THNSL1: variants seen among roughly 807,000 people sequenced by gnomAD.
THNSL1 encodes threonine synthase like 1.
A neutral mutation model predicts 50.4 loss-of-function variants in THNSL1; 48 were observed. The observed-to-expected ratio is 0.95, with a 90% CI of 0.76 to 1.21. The LOEUF (loss-of-function observed/expected upper bound fraction) is 1.21, where lower values mean the gene tolerates loss of function less well. Among genes scored for constraint, THNSL1 ranks in the 50% most tolerant of loss-of-function variants. The probability of loss-of-function intolerance (pLI) is 0.00; values close to 1 mark genes in which losing one functional copy is unlikely to be tolerated. For missense variants in THNSL1, 896 were observed against 871.7 expected, an observed-to-expected ratio of 1.03 and a Z score of -0.35; for synonymous variants, 309 against 306.1, an observed-to-expected ratio of 1.01 and a Z score of -0.10.
chr10:24,969,141 G>A, the THNSL1 span, among the ~76,000 whole-genome samples: 94 of 152,262 alleles, frequency 6.2e-4, no homozygotes, highest in African/African-American at 2.1e-3. Context: ...TGATCCACCC[G>A]CCGCGGCCTG....
chr10:25,013,061 G>A (rs564563344), upstream of THNSL1, among the ~76,000 whole-genome samples: 1 of 152,192 alleles, frequency 6.6e-6, no homozygotes, highest in Non-Finnish European at 1.5e-5. Context: ...TTTTATAAAG[G>A]GGAGTTCCCC....
the THNSL1 span, among the ~76,000 whole-genome samples, chr10:24,952,817 C>T: frequency 6.6e-6 from 1 of 151,666 alleles, no homozygotes; most frequent in Admixed American, 6.6e-5. This position sits in a 1 kb window ranked among gnomAD's most constrained non-coding sequence, Gnocchi z 5.1. Context: ...GCTGCCAAGC[C>T]GCTACCGCTC....
At chr10:24,960,255 T>C in the THNSL1 span, among the ~76,000 whole-genome samples, 1 of 152,034 alleles carries the variant, frequency 6.6e-6, no homozygotes, top group African/African-American at 2.4e-5. Context: ...GAAGCAGAGC[T>C]GGGATGTGGT....
the THNSL1 span, chr10:24,984,837 T>C: frequency 6.2e-7 from 1 of 1,613,778 alleles, no homozygotes; most frequent in South Asian, 1.1e-5. Context: ...TCTTCTTTGG[T>C]ATAGAATCTA....
chr10:24,971,328 CTCCTGGGCTTAAGCAA>C, the THNSL1 span, among the ~76,000 whole-genome samples: 347 of 147,992 alleles, frequency 2.3e-3, 3 homozygotes, highest in African/African-American at 7.8e-3. Context: ...TGGTCTTGAA[CTCCTGGGCTTAAGCAA>C]TCCTTCCATC....
chr10:24,980,926 G>T, the THNSL1 span, among the ~76,000 whole-genome samples: 5 of 152,052 alleles, frequency 3.3e-5, no homozygotes, highest in African/African-American at 1.2e-4. Flanking sequence ...TCACCACGTT[G>T]GCCAGGCTGG....
intron 1 of THNSL1, among the ~76,000 whole-genome samples, chr10:25,018,368 C>G (rs1025848581): frequency 6.6e-6 from 1 of 152,116 alleles, no homozygotes; most frequent in Non-Finnish European, 1.5e-5. Context: ...TGGTATATAC[C>G]TACAGGGATG....
chr10:24,997,570 A>G, the THNSL1 span, among the ~76,000 whole-genome samples: 4 of 151,752 alleles, frequency 2.6e-5, no homozygotes, highest in Non-Finnish European at 5.9e-5. Flanking sequence ...AAAATTTTTT[A>G]TAGAGATAGG....
At chr10:24,957,934 T>C in the THNSL1 span, among the ~76,000 whole-genome samples, 15 of 152,260 alleles carry the variant, frequency 9.9e-5, no homozygotes, top group Non-Finnish European at 1.8e-4. Context: ...TATTTATAAT[T>C]CACTGAATTC....
At chr10:25,005,205 G>A in the THNSL1 span, among the ~76,000 whole-genome samples, 2 of 151,932 alleles carry the variant, frequency 1.3e-5, no homozygotes, top group Non-Finnish European at 2.9e-5. Flanking sequence ...TGGATAATTG[G>A]CTCTATTTTC....
chr10:25,020,050 T>G (rs1319387565), intron 1 of THNSL1, among the ~76,000 whole-genome samples: 1 of 152,094 alleles, frequency 6.6e-6, no homozygotes, highest in Non-Finnish European at 1.5e-5. Flanking sequence ...GCCCCTAAAA[T>G]CAATTTGTGG....
chr10:24,989,888 C>T, the THNSL1 span, among the ~76,000 whole-genome samples: 1 of 152,030 alleles, frequency 6.6e-6, no homozygotes, highest in Admixed American at 6.5e-5. Flanking sequence ...CTCTTACACC[C>T]CCTAATATTT....
chr10:24,963,648 T>C, the THNSL1 span, among the ~76,000 whole-genome samples: 1 of 152,166 alleles, frequency 6.6e-6, no homozygotes, highest in South Asian at 2.1e-4. Flanking sequence ...TTCTTTTTCT[T>C]CTTGCAAAAG....
chr10:24,988,355 T>A, the THNSL1 span, among the ~76,000 whole-genome samples: 1 of 145,308 alleles, frequency 6.9e-6, no homozygotes, highest in East Asian at 2.0e-4. Context: ...TATTTATATA[T>A]GTGTATATAT....
At chr10:25,015,044 C>T (rs918046893), upstream of THNSL1, among the ~76,000 whole-genome samples, 10 of 152,122 alleles carry the variant, frequency 6.6e-5, no homozygotes, top group Admixed American at 2.0e-4. Context: ...GACTTGCATA[C>T]GGACAAGGAT....
chr10:24,965,060 C>CAAAAA, the THNSL1 span, among the ~76,000 whole-genome samples: 1 of 120,518 alleles, frequency 8.3e-6, no homozygotes, highest in African/African-American at 3.0e-5. Flanking sequence ...AATCCTATCT[C>CAAAAA]AAAAAAAAAA....
intron 1 of THNSL1, among the ~76,000 whole-genome samples, chr10:25,021,019 T>C (rs1850708406): frequency 6.6e-6 from 1 of 152,236 alleles, no homozygotes; most frequent in Non-Finnish European, 1.5e-5. Flanking sequence ...CCTGGTTTAC[T>C]TCAGGGAAAG....
At chr10:25,012,962 G>A (rs1000300998), upstream of THNSL1, among the ~76,000 whole-genome samples, 7 of 152,174 alleles carry the variant, frequency 4.6e-5, no homozygotes, top group Non-Finnish European at 8.8e-5. Context: ...TGTCATGGGA[G>A]GGATCTGGTG....
the THNSL1 span, among the ~76,000 whole-genome samples, chr10:24,964,708 A>G: frequency 1.0e-3 from 152 of 152,244 alleles, no homozygotes; most frequent in Non-Finnish European, 1.9e-3. Context: ...GATATTTTAA[A>G]TTCATGAGGC....
Sources: allele counts gnomAD v4.1 joint callset (sites outside exome capture counted in the v4.1 genomes callset), GRCh38; gene constraint gnomAD v4.1.1; non-coding constraint Gnocchi (gnomAD v3.1); transcripts MANE v1.5; gene names NCBI Gene and HGNC (gene_info 2026-07-23, HGNC 2026-07-21).